TLN2: variants seen among roughly 807,000 people sequenced by gnomAD.
The protein encoded by TLN2 is talin 2.
Under a neutral mutation model 294.7 loss-of-function variants are expected in TLN2, and 118 were observed. That is an observed-to-expected ratio of 0.40 (90% CI 0.34 to 0.47). The LOEUF is 0.47. TLN2 is among the 20% of genes least tolerant of loss of function. The probability of loss-of-function intolerance (pLI) is 0.84; values close to 1 mark genes in which losing one functional copy is unlikely to be tolerated. For synonymous variants in TLN2, 1,431 were observed against 1,304.5 expected, an observed-to-expected ratio of 1.10 and a Z score of -2.09; for missense variants, 3,083 against 3,282.2, an observed-to-expected ratio of 0.94 and a Z score of 1.48.
At chr15:62,457,978 G>A (rs2036574961) in intron 1 of TLN2, among the ~76,000 whole-genome samples, 1 of 152,200 alleles carries the variant, frequency 6.6e-6, no homozygotes, top group Admixed American at 6.5e-5. Context: ...AAGCAACTGT[G>A]CCAGAAAACT....
At chr15:62,811,784 G>A (rs1033513044) in intron 52 of TLN2, among the ~76,000 whole-genome samples, 1 of 152,030 alleles carries the variant, frequency 6.6e-6, no homozygotes, top group Non-Finnish European at 1.5e-5. Context: ...GGCTGAGGCT[G>A]GTAGATCACT....
intron 1 of TLN2, among the ~76,000 whole-genome samples, chr15:62,399,842 C>T (rs1479920105): frequency 6.6e-6 from 1 of 152,130 alleles, no homozygotes; most frequent in Admixed American, 6.5e-5. Flanking sequence ...AGGGACTTGC[C>T]TTGTCTCAGA....
chr15:62,755,898 C>T (rs2062216819), intron 37 of TLN2, among the ~76,000 whole-genome samples: 1 of 152,200 alleles, frequency 6.6e-6, no homozygotes, highest in South Asian at 2.1e-4. Context: ...CTCTACTAAC[C>T]TTTTAGATGG....
At chr15:62,549,785 G>A (rs114993448) in intron 1 of TLN2, among the ~76,000 whole-genome samples, 1,983 of 152,218 alleles carry the variant, frequency 0.013, 52 homozygotes, top group African/African-American at 0.046. Flanking sequence ...TAGGGCAGGG[G>A]GCAGATGTTT....
intron 2 of TLN2, among the ~76,000 whole-genome samples, chr15:62,596,375 A>G (rs1249643968): frequency 6.6e-6 from 1 of 152,110 alleles, no homozygotes; most frequent in African/African-American, 2.4e-5. Context: ...TAGTCATTCT[A>G]TGATATACAT....
At chr15:62,465,449 C>G (rs910168619) in intron 1 of TLN2, among the ~76,000 whole-genome samples, 3 of 152,080 alleles carry the variant, frequency 2.0e-5, no homozygotes, top group Non-Finnish European at 4.4e-5. Context: ...CTAGTCAGGC[C>G]AGTTATATTC....
intron 28 of TLN2, among the ~76,000 whole-genome samples, chr15:62,734,506 C>T (rs964000497): frequency 6.6e-6 from 1 of 152,202 alleles, no homozygotes; most frequent in African/African-American, 2.4e-5. Flanking sequence ...CTTTTCTGAG[C>T]AACAGCATCC....
rs1222173072 is a variant in TLN2 at position 62,799,736 on chromosome 15, A to T, written c.6235-632A>T. The stretch of plus-strand genomic sequence containing the variant: ...GATAAGTGCTGTAAATAAAACGGCA[A>T]CCTGACAGTTTCAGCAATTGTGGGA... On this transcript the variant is annotated intron_variant, in intron 48 of 58. Coordinates refer to ENST00000636159, the MANE Select transcript of TLN2 (RefSeq NM_015059.3). Among the ~76,000 whole-genome samples, 3 of 152,246 alleles carry T rather than the reference A, an allele frequency of 2.0e-5. No homozygotes were observed. The East Asian group carries it at 5.8e-4, about 29-fold the overall frequency.
In TLN2 at chr15:62,725,189, G is replaced by A. The variant is rs1402849617; in HGVS notation, c.3255+85G>A. The A allele has an allele frequency of 4.0e-6, 6 of 1,495,504 alleles. No individual in the cohort carries two copies. The Admixed American group carries it at 1.0e-4, about 26-fold the overall frequency. 92.6% of individuals were successfully genotyped at this position (1,495,504 alleles called of 1,614,324 possible). A position where few individuals can be genotyped will look rare whatever the true frequency, so the allele number is the denominator to read the frequency against. ...GTTTGTTGTTAGGGTGTTTGCTAAA[G>A]TTGCGGCATGTTGAGAAGCTTCTAA... On this transcript the variant is annotated intron_variant, in intron 27 of 58. Coordinates refer to ENST00000636159, the MANE Select transcript of TLN2 (RefSeq NM_015059.3).
At chr15:62,783,593 C>T (rs2064372894) in intron 44 of TLN2, among the ~76,000 whole-genome samples, 178 bp from the exon 45 acceptor site, 1 of 152,218 alleles carries the variant, frequency 6.6e-6, no homozygotes, top group Non-Finnish European at 1.5e-5. Context: ...ATGGGCTTGG[C>T]TTGAATTGCC....
At position 62,717,607 on chromosome 15, in the gene TLN2, C is replaced by T; in HGVS notation, c.2795C>T (p.Thr932Ile). 2 of 1,600,716 alleles carry T rather than the reference C, an allele frequency of 1.2e-6. No individual in the cohort carries two copies. Among genetic ancestry groups the T allele is most frequent in the Non-Finnish European group, 1.7e-6 (2 of 1,174,656 alleles). The change falls in exon 24 of 59, where the codon ACA becomes ATA. Residue 932 changes from threonine (T) to isoleucine (I), a missense_variant. Coordinates refer to ENST00000636159, the MANE Select transcript of TLN2 (RefSeq NM_015059.3). Reference protein sequence around the residue: ...VAAKQAAAAATQTIAASQNAA... With the variant: ...VAAKQAAAAAIQTIAASQNAA... ...GCCAAGCAGGCCGCAGCGGCAGCCACACAGACCATCGCCGCCTCCCAGAAT... is the reference window on the plus strand; with the variant it reads ...GCCAAGCAGGCCGCAGCGGCAGCCATACAGACCATCGCCGCCTCCCAGAAT...
At chr15:62,652,934 A>C (rs1055587669) in intron 6 of TLN2, among the ~76,000 whole-genome samples, 1 of 152,124 alleles carries the variant, frequency 6.6e-6, no homozygotes, top group Non-Finnish European at 1.5e-5. Context: ...TTTTTGAAAA[A>C]AAAGTGTTCA....
chr15:62,723,538 C>CTTTT lies in TLN2; in HGVS notation c.3126+1069_3126+1072dup, dbSNP rs555674609. Among the ~76,000 whole-genome samples the CTTTT allele has an allele frequency of 1.6e-3, 167 of 107,172 alleles. 5 individuals carry two copies. The highest frequency in any genetic ancestry group is 6.7e-3 in the East Asian group (22 of 3,262). The allele number at this position is 107,172 out of a possible 152,430, so 70.3% of individuals were successfully genotyped here. On this transcript the variant is annotated intron_variant, in intron 26 of 58. Transcript: ENST00000636159. ...GGTACAGGAAGACACACTGTGAAAA[C>CTTTT]TTTTTTTTTTTTTTTTTTTTTGTGA... is the stretch of plus-strand genomic sequence containing the variant.
chr15:62,481,241 A>T (rs1189125355), intron 1 of TLN2, among the ~76,000 whole-genome samples: 1 of 151,474 alleles, frequency 6.6e-6, no homozygotes, highest in Non-Finnish European at 1.5e-5. Flanking sequence ...TCTCTTGCTG[A>T]GAGAGTCTCA....
chr15:62,468,985 A>C (rs958404594), intron 1 of TLN2, among the ~76,000 whole-genome samples: 1 of 152,162 alleles, frequency 6.6e-6, no homozygotes, highest in African/African-American at 2.4e-5. Context: ...TTTGTCAACA[A>C]TTTACCCTAT....
chr15:62,395,837 T>A (rs2032499280), intron 1 of TLN2, among the ~76,000 whole-genome samples: 1 of 152,160 alleles, frequency 6.6e-6, no homozygotes, highest in Admixed American at 6.6e-5. Flanking sequence ...TCTGATTTTT[T>A]ATTTTTATTT....
intron 1 of TLN2, among the ~76,000 whole-genome samples, chr15:62,498,022 C>T (rs1019326760): frequency 6.6e-6 from 1 of 151,652 alleles, no homozygotes; most frequent in Non-Finnish European, 1.5e-5. Flanking sequence ...CCAGGGTGGG[C>T]AGATCGCTTG....
At chr15:62,583,349 C>G (rs1299618288) in intron 1 of TLN2, among the ~76,000 whole-genome samples, 1 of 152,152 alleles carries the variant, frequency 6.6e-6, no homozygotes, top group Non-Finnish European at 1.5e-5. Flanking sequence ...ATTGAAATTC[C>G]TAGGCATTTG....
At chr15:62,474,070 G>A (rs866687473) in intron 1 of TLN2, among the ~76,000 whole-genome samples, 44 of 152,176 alleles carry the variant, frequency 2.9e-4, no homozygotes, top group African/African-American at 1.0e-3. Flanking sequence ...GCTCCAACCT[G>A]GGTAACGAGC....
Sources: gnomAD v4.1 joint callset for allele counts (sites outside exome capture counted in the v4.1 genomes callset) on GRCh38, gnomAD v4.1.1 for gene constraint, MANE v1.5 for transcripts, NCBI Gene and HGNC (gene_info 2026-07-23, HGNC 2026-07-21) for gene names.